The following RPA1 variants were observed in gnomAD, a reference collection of about 807,000 sequenced individuals.
RPA1 encodes replication protein A1.
A neutral mutation model predicts 83.0 loss-of-function variants in RPA1; 49 were observed. The ratio of observed to expected loss-of-function variants is 0.59; its 90% CI spans 0.47 to 0.75. The LOEUF (loss-of-function observed/expected upper bound fraction) is 0.75. Ranked by LOEUF, RPA1 falls within the 30% of genes least tolerant of loss-of-function variation. RPA1 has a pLI of 0.00. For missense variants in RPA1, 693 were observed against 776.1 expected (o/e 0.89, Z 1.27); for synonymous variants, 279 against 281.8 (o/e 0.99, Z 0.10).
intron 5 of RPA1, among the ~76,000 whole-genome samples, chr17:1,861,492 TGAATATTTTTGC>T (rs920281509): frequency 1.3e-5 from 2 of 152,162 alleles, no homozygotes; most frequent in Admixed American, 6.5e-5. Context: ...TTTTAAAAGT[TGAATATTTTTGC>T]GAGGTGTGTC....
At chr17:1,890,803 G>A (rs1188558126) in intron 14 of RPA1, among the ~76,000 whole-genome samples, 1 of 152,162 alleles carries the variant, frequency 6.6e-6, no homozygotes, top group East Asian at 1.9e-4. Context: ...TTTAGTTTGT[G>A]GAAACATCAG....
chr17:1,874,012 A>AATATATATATAT (rs1180376121), intron 6 of RPA1, among the ~76,000 whole-genome samples: 1 of 93,862 alleles, frequency 1.1e-5, no homozygotes, highest in African/African-American at 5.1e-5. Flanking sequence ...AAAAAAAAAA[A>AATATATATATAT]ATATATATAT....
In RPA1 at chr17:1,844,504, C is replaced by T. The variant is rs1316255065; in HGVS notation, c.164-74C>T. On this transcript the variant is annotated intron_variant, in intron 3 of 16. Coordinates refer to ENST00000254719, the MANE Select transcript of RPA1 (RefSeq NM_002945.5). ...TATGTAAGGCATTTTTCTTTGCTAG[C>T]ACAGGTATGAGTAGCTCTCAGAGGC... The T allele has an allele frequency of 1.2e-5, 14 of 1,124,864 alleles. No individual in the cohort carries two copies. In the Admixed American group the frequency reaches 2.7e-4, roughly 22 times the overall value. 69.7% of individuals were successfully genotyped at this position (1,124,864 alleles called of 1,614,324 possible). A position where few individuals can be genotyped will look rare whatever the true frequency, so the allele number is the denominator to read the frequency against.
In RPA1 at chr17:1,879,295, C is replaced by T. The variant is rs760863113; in HGVS notation, c.840C>T (p.Phe280=). 2 of 1,614,082 alleles carry T rather than the reference C, an allele frequency of 1.2e-6. No homozygotes were observed. The highest frequency in any genetic ancestry group is 2.7e-5 in the African/African-American group (2 of 74,912). The change falls in exon 10 of 17, where the codon TTC becomes TTT. Residue 280 remains phenylalanine (F), a synonymous_variant. Transcript: ENST00000254719. ...TAVKNDYEMT[F]NNETSVMPCE... is the part of the protein sequence containing the mutation. The stretch of plus-strand genomic sequence containing the variant: ...TTAAAAATGACTACGAGATGACCTT[C>T]AATAACGAGACTTCCGTCATGCCCT...
intron 5 of RPA1, chr17:1,872,216 A>G: frequency 1.6e-6 from 1 of 610,664 alleles, no homozygotes; most frequent in Non-Finnish European, 2.9e-6. Context: ...AAGCAGGTGA[A>G]AGGTAGATGG....
intron 12 of RPA1, among the ~76,000 whole-genome samples, chr17:1,881,034 C>T (rs1270788343): frequency 6.6e-6 from 1 of 152,172 alleles, no homozygotes; most frequent in Non-Finnish European, 1.5e-5. Context: ...GCCTCTGTGG[C>T]GTGGGGGAAC....
rs146764070 is a variant in RPA1 at position 1,832,615 on chromosome 17, G to T, written c.33+2489G>T. Among the ~76,000 whole-genome samples, 916 of 151,582 alleles carry T rather than the reference G, an allele frequency of 6.0e-3. 11 individuals are homozygous for T. Among genetic ancestry groups the T allele is most frequent in the African/African-American group, 0.021 (873 of 41,338 alleles). ...TTGGCCAGGCTGGTCTCGAACTCCTGACCTCAAGCAATCCACCTGCTTCGG... is the reference window on the plus strand; with the variant it reads ...TTGGCCAGGCTGGTCTCGAACTCCTTACCTCAAGCAATCCACCTGCTTCGG... On this transcript the variant is annotated intron_variant, in intron 1 of 16. Coordinates refer to ENST00000254719, the MANE Select transcript of RPA1 (RefSeq NM_002945.5).
chr17:1,882,079 C>T (rs947412259), intron 12 of RPA1, among the ~76,000 whole-genome samples: 1 of 152,118 alleles, frequency 6.6e-6, no homozygotes, highest in Middle Eastern at 3.2e-3. Flanking sequence ...GTTAGATGGT[C>T]TCTGTTTAAG....
chr17:1,886,783 C>T (rs1597457554), intron 13 of RPA1, among the ~76,000 whole-genome samples: 1 of 150,980 alleles, frequency 6.6e-6, no homozygotes, highest in East Asian at 2.0e-4. Context: ...CACAGCTCAC[C>T]TCAGCCTCTG....
At chr17:1,882,316 A>C (rs1913827165) in intron 12 of RPA1, among the ~76,000 whole-genome samples, 1 of 152,154 alleles carries the variant, frequency 6.6e-6, no homozygotes, top group Non-Finnish European at 1.5e-5. Flanking sequence ...AAGAAGGTAA[A>C]TCTACAAGAA....
Position 1,878,936 on chromosome 17 carries a change from T to C in RPA1, c.691-57T>C, listed in dbSNP as rs890416929. ...GTGTTCTATCCCAGTGTCACTTGGG[T>C]GCTGGGGTGGCCTGTGTTCAATCCC... On this transcript the variant is annotated intron_variant, in intron 8 of 16. Coordinates refer to ENST00000254719, the MANE Select transcript of RPA1 (RefSeq NM_002945.5). The C allele has an allele frequency of 5.8e-6, 9 of 1,560,272 alleles. No individual in the cohort carries two copies. In the African/African-American group the frequency reaches 1.1e-4, roughly 19 times the overall value.
chr17:1,879,029 G>T lies in RPA1; in HGVS notation c.727G>T (p.Asp243Tyr), dbSNP rs769702090. Residue 243 changes from aspartate (D) to tyrosine (Y), a missense_variant, in exon 9 of 17, where the codon GAC (aspartate) becomes TAC (tyrosine). Physicochemically the swap from Asp to Tyr is radical, Grantham distance 160. Coordinates refer to ENST00000254719, the MANE Select transcript of RPA1 (RefSeq NM_002945.5). ...IRATAFNEQVDKFFPLIEVNK... is the reference protein window; with the variant it reads ...IRATAFNEQVYKFFPLIEVNK... ...AGCTACAGCTTTCAATGAGCAAGTG[G>T]ACAAGTTCTTTCCTCTTATTGAAGT... 2 of 1,614,156 alleles carry T rather than the reference G, an allele frequency of 1.2e-6. No individual in the cohort carries two copies. The highest frequency in any genetic ancestry group is 2.7e-5 in the African/African-American group (2 of 75,020).
Position 1,843,855 on chromosome 17 carries a change from T to C in RPA1, c.85-65T>C, listed in dbSNP as rs78149746. On this transcript the variant is annotated intron_variant, in intron 2 of 16. Coordinates refer to ENST00000254719, the MANE Select transcript of RPA1 (RefSeq NM_002945.5). ...ATGGCAAACCCACTCTCCTGCCACT[T>C]CGGTTTACGTATCCCTGGGGACGGG... 2,184 of 1,354,528 alleles carry C rather than the reference T, an allele frequency of 1.6e-3. 33 individuals are homozygous for C. In the African/African-American group the frequency reaches 0.029, roughly 18 times the overall value. 83.9% of individuals were successfully genotyped at this position (1,354,528 alleles called of 1,614,324 possible). A position where few individuals can be genotyped will look rare whatever the true frequency, so the allele number is the denominator to read the frequency against.
intron 5 of RPA1, among the ~76,000 whole-genome samples, chr17:1,870,675 G>A (rs1273752555): frequency 6.6e-6 from 1 of 152,134 alleles, no homozygotes; most frequent in African/African-American, 2.4e-5. Context: ...TTCTGTCCCT[G>A]GGAATTTGTC....
At chr17:1,880,395 ATTC>A in intron 11 of RPA1, 145 bp from the exon 12 acceptor site, 1 of 740,882 alleles carries the variant, frequency 1.3e-6, no homozygotes, top group Non-Finnish European at 2.2e-6. Context: ...CTCTGAGTAG[ATTC>A]TCATGTGTGA....
intron 1 of RPA1, among the ~76,000 whole-genome samples, chr17:1,838,151 C>T (rs765434090): frequency 1.3e-5 from 2 of 150,640 alleles, no homozygotes; most frequent in Non-Finnish European, 3.0e-5. Flanking sequence ...ATTAGCTGGG[C>T]GTGGTGGCAG....
intron 7 of RPA1, among the ~76,000 whole-genome samples, chr17:1,876,306 G>A (rs1913570192): frequency 2.0e-5 from 3 of 152,246 alleles, no homozygotes; most frequent in East Asian, 1.9e-4. Context: ...CGTAATCCCC[G>A]CACTTTAGGA....
chr17:1,880,450 C>T (rs1450832267), intron 11 of RPA1, 93 bp from the exon 12 acceptor site: 4 of 1,309,392 alleles, frequency 3.1e-6, no homozygotes, highest in Admixed American at 1.8e-5. Context: ...ATTACATTCA[C>T]TCTACTATTG....
intron 12 of RPA1, among the ~76,000 whole-genome samples, chr17:1,882,928 G>A (rs1368540683): frequency 1.3e-5 from 2 of 152,202 alleles, no homozygotes; most frequent in Non-Finnish European, 2.9e-5. Context: ...TGCAAGGCTA[G>A]TTTAAGAAAA....
Sources: gnomAD v4.1 joint callset for allele counts (sites outside exome capture counted in the v4.1 genomes callset) on GRCh38, gnomAD v4.1.1 for gene constraint, MANE v1.5 for transcripts, NCBI Gene and HGNC (gene_info 2026-07-23, HGNC 2026-07-21) for gene names.